The following NEGR1 variants were observed in gnomAD, a reference collection of about 807,000 sequenced individuals.
NEGR1 encodes neuronal growth regulator 1.
Under a neutral mutation model 40.9 loss-of-function variants are expected in NEGR1, and 10 were observed. The observed-to-expected ratio is 0.24, with a 90% confidence interval of 0.15 to 0.42. The LOEUF is 0.42. Among genes scored for constraint, NEGR1 ranks in the 10% least tolerant of loss-of-function variants. The pLI is 1.00. For missense variants in NEGR1, 352 were observed against 438.9 expected, an observed-to-expected ratio of 0.80 and a Z score of 1.77; for synonymous variants, 185 against 166.8, an observed-to-expected ratio of 1.11 and a Z score of -0.84.
intron 1 of NEGR1, among the ~76,000 whole-genome samples, chr1:71,952,442 G>A (rs1646078840): frequency 6.6e-6 from 1 of 151,938 alleles, no homozygotes; most frequent in African/African-American, 2.4e-5. Context: ...GTTCTATGAA[G>A]GCTGAGAAAG....
chr1:72,083,530 G>A (rs1648087898), intron 1 of NEGR1, among the ~76,000 whole-genome samples: 1 of 151,862 alleles, frequency 6.6e-6, no homozygotes, highest in African/African-American at 2.4e-5. Flanking sequence ...AGCTCTCTCT[G>A]TTTGTCTTTA....
At chr1:72,010,319 G>A (rs1464628758) in intron 1 of NEGR1, among the ~76,000 whole-genome samples, 2 of 151,930 alleles carry the variant, frequency 1.3e-5, no homozygotes, top group African/African-American at 4.8e-5. Flanking sequence ...GGTGAGGTAG[G>A]GGAAGAAACC....
chr1:72,134,193 G>T (rs1650360684), intron 1 of NEGR1, among the ~76,000 whole-genome samples: 1 of 151,566 alleles, frequency 6.6e-6, no homozygotes, highest in African/African-American at 2.4e-5. Flanking sequence ...TTATTTTGGG[G>T]GGAAATACGT....
At chr1:71,729,622 C>A (rs1242467780) in intron 3 of NEGR1, among the ~76,000 whole-genome samples, 2 of 151,814 alleles carry the variant, frequency 1.3e-5, no homozygotes, top group Non-Finnish European at 2.9e-5. Flanking sequence ...AGAGATGTAG[C>A]TGAATAATTT....
chr1:72,118,006 AAC>A (rs1201840011), intron 1 of NEGR1, among the ~76,000 whole-genome samples: 2 of 151,820 alleles, frequency 1.3e-5, no homozygotes, highest in East Asian at 3.9e-4. Context: ...GAAGTCATCA[AAC>A]ACTGCTGGAA....
intron 2 of NEGR1, among the ~76,000 whole-genome samples, chr1:71,792,262 T>C (rs111259252): frequency 2.2e-3 from 332 of 152,292 alleles, no homozygotes; most frequent in Non-Finnish European, 3.5e-3. Flanking sequence ...GGTTGTATGT[T>C]GGTTTCTCCC....
intron 2 of NEGR1, among the ~76,000 whole-genome samples, chr1:71,884,335 G>C (rs936308289): frequency 6.6e-6 from 1 of 152,042 alleles, no homozygotes; most frequent in African/African-American, 2.4e-5. Flanking sequence ...CATTCATTGT[G>C]ACTAGACCAT....
At chr1:72,175,948 CATA>C (rs1652149900) in intron 1 of NEGR1, among the ~76,000 whole-genome samples, 1 of 151,730 alleles carries the variant, frequency 6.6e-6, no homozygotes, top group Non-Finnish European at 1.5e-5. Context: ...TTTAAATCTG[CATA>C]ATGTCAGGGA....
intron 4 of NEGR1, among the ~76,000 whole-genome samples, chr1:71,659,237 G>T (rs1161338459): frequency 3.9e-5 from 6 of 152,158 alleles, no homozygotes; most frequent in Middle Eastern, 3.2e-3. Context: ...TAAGCCAATT[G>T]TGTGTTGTAC....
At chr1:71,715,374 G>A (rs1039271480) in intron 3 of NEGR1, among the ~76,000 whole-genome samples, 1 of 152,124 alleles carries the variant, frequency 6.6e-6, no homozygotes, top group African/African-American at 2.4e-5. Flanking sequence ...TTAACATTTG[G>A]CTCCTCATTA....
At chr1:71,501,735 A>G (rs755949701) in intron 6 of NEGR1, among the ~76,000 whole-genome samples, 1 of 152,228 alleles carries the variant, frequency 6.6e-6, no homozygotes, top group Non-Finnish European at 1.5e-5. Context: ...AATTATAAAC[A>G]AGAAATTTCA....
At position 71,751,187 on chromosome 1, in the gene NEGR1, C is replaced by T. The variant is rs550948383; in HGVS notation, c.535+24985G>A. Among the ~76,000 whole-genome samples, 3 of 151,438 alleles carry T rather than the reference C, an allele frequency of 2.0e-5. No homozygotes were observed. The South Asian group carries it at 6.3e-4, about 32-fold the overall frequency. On this transcript the variant is annotated intron_variant, in intron 3 of 6. Coordinates refer to ENST00000357731, the MANE Select transcript of NEGR1 (RefSeq NM_173808.3). ...GTAATTCAGTAGTTTCAGTTTTTAT[C>T]TCCCCTTCAATAAGAGATGAACTCT...
intron 1 of NEGR1, among the ~76,000 whole-genome samples, chr1:72,084,486 C>A (rs1368097785): frequency 6.6e-6 from 1 of 152,178 alleles, no homozygotes; most frequent in Non-Finnish European, 1.5e-5. Flanking sequence ...TAATTGATCA[C>A]CAATCAAAAT....
chr1:71,794,119 CT>C (rs746706943), intron 2 of NEGR1: 92 of 152,022 alleles, frequency 6.1e-4, no homozygotes, highest in Non-Finnish European at 1.2e-3. Flanking sequence ...GATAACTTGT[CT>C]TTGTAGAATA....
At chr1:71,554,667 C>A (rs1180902055) in intron 6 of NEGR1, among the ~76,000 whole-genome samples, 1 of 151,530 alleles carries the variant, frequency 6.6e-6, no homozygotes, top group African/African-American at 2.4e-5. Context: ...CTACTCTCCT[C>A]TTTTTTCCTG....
intron 1 of NEGR1, among the ~76,000 whole-genome samples, chr1:71,988,768 T>C (rs1411521321): frequency 6.6e-6 from 1 of 150,578 alleles, no homozygotes; most frequent in Non-Finnish European, 1.5e-5. Context: ...ACTAGAGAAA[T>C]CACAGAGAAC....
chr1:72,153,616 A>G (rs1418380434), intron 1 of NEGR1, among the ~76,000 whole-genome samples: 1 of 151,910 alleles, frequency 6.6e-6, no homozygotes, highest in Non-Finnish European at 1.5e-5. Flanking sequence ...ATATGTATCT[A>G]TTATCTATCT....
chr1:72,244,470 T>A (rs982690814), intron 1 of NEGR1, among the ~76,000 whole-genome samples: 1 of 152,008 alleles, frequency 6.6e-6, no homozygotes, highest in African/African-American at 2.4e-5. Flanking sequence ...TATGCAAATG[T>A]TGAAAAACAT....
intron 2 of NEGR1, among the ~76,000 whole-genome samples, chr1:71,825,168 G>T (rs1658575325): frequency 6.6e-6 from 1 of 151,834 alleles, no homozygotes; most frequent in East Asian, 1.9e-4. Context: ...CAGTCTTTTT[G>T]ATTTTAGTCA....
Sources: gnomAD v4.1 joint callset for allele counts (sites outside exome capture counted in the v4.1 genomes callset) on GRCh38, gnomAD v4.1.1 for gene constraint, MANE v1.5 for transcripts, NCBI Gene and HGNC (gene_info 2026-07-23, HGNC 2026-07-21) for gene names.